NBEA: variants seen among roughly 807,000 people sequenced by gnomAD.
NBEA encodes lysosomal-trafficking regulator 2.
In NBEA, 44 loss-of-function variants were observed where a neutral mutation model predicts 343.4. The ratio of observed to expected loss-of-function variants is 0.13; its 90% CI spans 0.10 to 0.16. NBEA has a LOEUF of 0.16. NBEA is among the 10% of genes least tolerant of loss of function. NBEA has a pLI of 1.00. For missense variants in NBEA, 2,555 were observed against 3,631.3 expected, an observed-to-expected ratio of 0.70 and a Z score of 7.62; for synonymous variants, 1,175 against 1,238.7, an observed-to-expected ratio of 0.95 and a Z score of 1.08.
At chr13:35,475,541 C>G in intron 41 of NBEA, 1 of 1,613,312 alleles carries the variant, frequency 6.2e-7, no homozygotes, top group Non-Finnish European at 8.5e-7. Context: ...ACCTCCGCCA[C>G]CCGGTTGGGT....
intron 30 of NBEA, 54 bp from the exon 31 acceptor site, chr13:35,195,810 A>G: frequency 7.0e-7 from 1 of 1,424,908 alleles, no homozygotes; most frequent in South Asian, 1.4e-5. Context: ...TTGATTAATA[A>G]TACAAGATTT....
intron 57 of NBEA, 22 bp from the exon 58 acceptor site, chr13:35,668,346 G>C: frequency 6.5e-7 from 1 of 1,550,082 alleles, no homozygotes; most frequent in East Asian, 2.4e-5. Flanking sequence ...TTTTTTGTTT[G>C]TTTGTTTTAC....
intron 41 of NBEA, among the ~76,000 whole-genome samples, chr13:35,528,147 G>C (rs1214468493): frequency 6.6e-6 from 1 of 152,004 alleles, no homozygotes; most frequent in East Asian, 1.9e-4. Flanking sequence ...TTTCATATAT[G>C]CAACAATTTT....
intron 38 of NBEA, among the ~76,000 whole-genome samples, chr13:35,427,935 T>C (rs539364261): frequency 6.6e-6 from 1 of 152,322 alleles, no homozygotes; most frequent in East Asian, 1.9e-4. Context: ...CTCTGAGCCA[T>C]GTGCGGGATA....
chr13:35,096,198 A>ATT (rs1214190798), intron 10 of NBEA, among the ~76,000 whole-genome samples: 5 of 139,014 alleles, frequency 3.6e-5, no homozygotes, highest in East Asian at 2.1e-4. Context: ...TATTGTAAAG[A>ATT]TTTTTTTTTT....
chr13:35,010,740 A>AT (rs2061461607), intron 1 of NBEA, among the ~76,000 whole-genome samples: 5 of 33,626 alleles, frequency 1.5e-4, no homozygotes, highest in African/African-American at 2.8e-4. Flanking sequence ...AAAAAAAAAA[A>AT]AATATATATA....
At chr13:35,133,273 TAATC>T (rs1454151349) in intron 17 of NBEA, among the ~76,000 whole-genome samples, 1 of 152,132 alleles carries the variant, frequency 6.6e-6, no homozygotes, top group Non-Finnish European at 1.5e-5. Context: ...ACTTCAGTAG[TAATC>T]AAGAAAATGC....
At chr13:35,148,365 T>C (rs1481061179) in intron 18 of NBEA, among the ~76,000 whole-genome samples, 1 of 152,172 alleles carries the variant, frequency 6.6e-6, no homozygotes, top group Non-Finnish European at 1.5e-5. Context: ...GTTGAGTAGT[T>C]GTAATGGAGA....
At chr13:35,306,987 A>G (rs1209362438) in intron 35 of NBEA, among the ~76,000 whole-genome samples, 1 of 152,034 alleles carries the variant, frequency 6.6e-6, no homozygotes, top group African/African-American at 2.4e-5. Flanking sequence ...CTTTTTTGAT[A>G]TACCATTGCC....
intron 11 of NBEA, among the ~76,000 whole-genome samples, chr13:35,099,442 T>C (rs2065522407): frequency 6.6e-6 from 1 of 152,018 alleles, no homozygotes. Flanking sequence ...TCAAGTGATC[T>C]GCCCGCCTTG....
chr13:35,251,615 C>A, intron 34 of NBEA: 1 of 1,155,322 alleles, frequency 8.7e-7, no homozygotes, highest in Non-Finnish European at 1.1e-6. Context: ...CAGCGGGAAG[C>A]AGAGATGGCC....
At chr13:35,581,299 T>G (rs1247204553) in intron 45 of NBEA, among the ~76,000 whole-genome samples, 2 of 152,052 alleles carry the variant, frequency 1.3e-5, no homozygotes, top group Non-Finnish European at 2.9e-5. Flanking sequence ...TCCTGACTTT[T>G]TAATGATTGC....
intron 38 of NBEA, among the ~76,000 whole-genome samples, chr13:35,422,213 A>G (rs1053042023): frequency 1.3e-5 from 2 of 150,256 alleles, no homozygotes; most frequent in Non-Finnish European, 3.0e-5. Context: ...TTTGTTACAT[A>G]TGTATACACG....
At position 35,289,948 on chromosome 13, in the gene NBEA, TG is replaced by T. The variant is rs371747090; in HGVS notation, c.5777-439del. Among the ~76,000 whole-genome samples the T allele has an allele frequency of 3.0e-3, 454 of 151,990 alleles. 3 individuals carry two copies. Among genetic ancestry groups the T allele is most frequent in the South Asian group, 0.018 (88 of 4,832 alleles). ...CTATTTGTAAATTAATTTTGTCTTTTGGAACAAAATTTAGGCAGAACTTCAG... is the reference window on the plus strand; with the variant it reads ...CTATTTGTAAATTAATTTTGTCTTTTGAACAAAATTTAGGCAGAACTTCAG... On this transcript the variant is annotated intron_variant, in intron 34 of 58. Transcript: ENST00000379939.
chr13:35,119,545 A>C (rs945779446), intron 16 of NBEA, among the ~76,000 whole-genome samples: 1 of 152,164 alleles, frequency 6.6e-6, no homozygotes, highest in African/African-American at 2.4e-5. Flanking sequence ...ATCTATTTGA[A>C]GAAGATTATA....
At chr13:35,186,022 G>A (rs973240623) in intron 30 of NBEA, 5 of 152,008 alleles carry the variant, frequency 3.3e-5, no homozygotes, top group Non-Finnish European at 7.4e-5. Flanking sequence ...AATAATTATC[G>A]GCCCAGCTCG....
rs558590743 is a variant in NBEA, at chr13:35,444,492, G to A, written c.6305-7600G>A. 3.3e-5 allele frequency among the ~76,000 whole-genome samples: 5 copies of A among 152,038 alleles called. No homozygotes were observed. In the East Asian group the frequency reaches 5.8e-4, roughly 18 times the overall value. On this transcript the variant is annotated intron_variant, in intron 39 of 58. Transcript: ENST00000379939. ...TTCTACTAAAAGAGTGGTAGACTTC[G>A]TCAAAATACATTGAACAAGCTAAAA...
intron 33 of NBEA, among the ~76,000 whole-genome samples, chr13:35,227,396 C>G (rs930708669): frequency 5.9e-5 from 9 of 151,988 alleles, no homozygotes; most frequent in African/African-American, 2.2e-4. Context: ...TTTATTCTAT[C>G]ATTAATACTC....
chr13:35,671,187 T>C lies in NBEA; in HGVS notation c.*196T>C, dbSNP rs542333733. ...TTTCACGACTGAACACCAGCTGCTA[T>C]CAAGCAAGCTTATATCATGTAAATT... is the stretch of plus-strand genomic sequence containing the variant. On this transcript the variant is annotated 3_prime_UTR_variant, in exon 59 of 59. Transcript: ENST00000379939. 5.0e-4 allele frequency: 274 copies of C among 543,488 alleles called. 1 individual carries two copies. The highest frequency in any genetic ancestry group is 1.8e-3 in the Admixed American group (57 of 32,460). 33.7% of individuals were successfully genotyped at this position (543,488 alleles called of 1,614,324 possible).
Sources: gnomAD v4.1 joint callset for allele counts (sites outside exome capture counted in the v4.1 genomes callset) on GRCh38, gnomAD v4.1.1 for gene constraint, MANE v1.5 for transcripts, NCBI Gene and HGNC (gene_info 2026-07-23, HGNC 2026-07-21) for gene names.